The following PABPC4L variants were observed in gnomAD, a reference collection of about 807,000 sequenced individuals.
The protein encoded by PABPC4L is poly(A) binding protein cytoplasmic 4 like, also known as polyadenylate-binding protein 4-like.
For synonymous variants in PABPC4L, 169 were observed against 164.1 expected (o/e 1.03, Z -0.23); for missense variants, 452 against 451.4 (o/e 1.00, Z -0.01).
chr4:134,048,743 T>C, the PABPC4L span, among the ~76,000 whole-genome samples: 2 of 152,096 alleles, frequency 1.3e-5, no homozygotes, highest in African/African-American at 4.8e-5. Context: ...CAAAAACCAA[T>C]TTTATGTATC....
At chr4:134,028,388 T>C in the PABPC4L span, among the ~76,000 whole-genome samples, 1 of 151,980 alleles carries the variant, frequency 6.6e-6, no homozygotes, top group Non-Finnish European at 1.5e-5. Context: ...CTTCATTTTC[T>C]ATGTGCTCTG....
At chr4:134,065,079 T>G in the PABPC4L span, among the ~76,000 whole-genome samples, 2 of 152,070 alleles carry the variant, frequency 1.3e-5, no homozygotes, top group African/African-American at 4.8e-5. Context: ...GTCTTTGTGA[T>G]AGAACAATTT....
chr4:134,070,228 C>T, the PABPC4L span, among the ~76,000 whole-genome samples: 2 of 151,986 alleles, frequency 1.3e-5, no homozygotes, highest in African/African-American at 4.8e-5. Flanking sequence ...CTGACCACAG[C>T]ACTCTGATGA....
the PABPC4L span, among the ~76,000 whole-genome samples, chr4:133,951,770 G>T: frequency 1.7e-3 from 251 of 151,904 alleles, 3 homozygotes; most frequent in Non-Finnish European, 3.0e-3. Context: ...TTACTAGAAG[G>T]GTAACCCCAT....
At chr4:134,169,726 C>A in the PABPC4L span, among the ~76,000 whole-genome samples, 2 of 151,702 alleles carry the variant, frequency 1.3e-5, no homozygotes, top group African/African-American at 4.8e-5. Flanking sequence ...TATACTTGGC[C>A]AAATAAGTGA....
the PABPC4L span, among the ~76,000 whole-genome samples, chr4:133,957,160 C>A: frequency 2.0e-5 from 3 of 152,144 alleles, no homozygotes; most frequent in African/African-American, 7.2e-5. Flanking sequence ...AAGGCAAGTC[C>A]CTTCTGCCTA....
chr4:134,064,521 C>T, the PABPC4L span, among the ~76,000 whole-genome samples: 1 of 152,022 alleles, frequency 6.6e-6, no homozygotes, highest in Non-Finnish European at 1.5e-5. Flanking sequence ...TTTATAAAGT[C>T]TGCCTCTCTC....
At chr4:134,085,101 T>C in the PABPC4L span, among the ~76,000 whole-genome samples, 2 of 151,958 alleles carry the variant, frequency 1.3e-5, no homozygotes, top group African/African-American at 2.4e-5. Context: ...CAGGTGGACA[T>C]TATTCACGAA....
chr4:134,008,746 T>G, the PABPC4L span, among the ~76,000 whole-genome samples: 1 of 151,780 alleles, frequency 6.6e-6, no homozygotes, highest in Non-Finnish European at 1.5e-5. Flanking sequence ...TTTTTTTCTT[T>G]TTGAACCAGT....
the PABPC4L span, among the ~76,000 whole-genome samples, chr4:134,017,910 T>G: frequency 6.6e-6 from 1 of 151,990 alleles, no homozygotes; most frequent in Non-Finnish European, 1.5e-5. Flanking sequence ...CCCAAAATTT[T>G]CGCCGTCCCA....
the PABPC4L span, among the ~76,000 whole-genome samples, chr4:134,135,226 T>C: frequency 6.6e-6 from 1 of 152,100 alleles, no homozygotes; most frequent in Non-Finnish European, 1.5e-5. Context: ...TTTTTTCTGT[T>C]CATGATTTTA....
chr4:134,188,863 T>A, the PABPC4L span, among the ~76,000 whole-genome samples: 1 of 152,080 alleles, frequency 6.6e-6, no homozygotes, highest in Non-Finnish European at 1.5e-5. Context: ...GAAAAATTCT[T>A]GTCATTATTG....
At chr4:134,109,953 G>C in the PABPC4L span, among the ~76,000 whole-genome samples, 1 of 151,960 alleles carries the variant, frequency 6.6e-6, no homozygotes, top group Non-Finnish European at 1.5e-5. Flanking sequence ...AATATTTATA[G>C]CTACTGAACA....
At chr4:134,117,632 G>T in the PABPC4L span, among the ~76,000 whole-genome samples, 3 of 151,730 alleles carry the variant, frequency 2.0e-5, no homozygotes, top group Non-Finnish European at 4.4e-5. Context: ...AAGAAGCAGA[G>T]AAAACACTGA....
At chr4:134,012,676 C>G in the PABPC4L span, among the ~76,000 whole-genome samples, 1 of 152,172 alleles carries the variant, frequency 6.6e-6, no homozygotes, top group East Asian at 1.9e-4. Context: ...AATCCCCTGT[C>G]CTCCTGCTCT....
At chr4:134,096,648 G>A in the PABPC4L span, among the ~76,000 whole-genome samples, 1 of 151,854 alleles carries the variant, frequency 6.6e-6, no homozygotes, top group Non-Finnish European at 1.5e-5. Context: ...AAAGATATTT[G>A]CATGTTTCCC....
the PABPC4L span, among the ~76,000 whole-genome samples, chr4:134,076,085 A>G: frequency 6.6e-6 from 1 of 151,764 alleles, no homozygotes; most frequent in East Asian, 1.9e-4. Flanking sequence ...TTTTGAATGC[A>G]GTTACCTGGA....
the PABPC4L span, among the ~76,000 whole-genome samples, chr4:134,121,470 T>C: frequency 2.6e-5 from 4 of 151,680 alleles, no homozygotes; most frequent in South Asian, 2.1e-4. Context: ...ACAGATCATA[T>C]TGATCCAAAC....
rs570749712 is a variant in PABPC4L, at chr4:134,201,106, G to A, written c.-87C>T. 43 of 1,550,710 alleles carry A rather than the reference G, an allele frequency of 2.8e-5. 1 individual carries two copies. In the South Asian group the frequency reaches 4.3e-4, roughly 16 times the overall value. The stretch of plus-strand genomic sequence containing the variant: ...GATACTAGGTCACAGCTTTGGCCCG[G>A]TTCAAGTGTGGAGGCCTCGGGATCA... On this transcript the variant is annotated 5_prime_UTR_variant, in exon 2 of 2. Transcript: ENST00000421491.
Sources: gnomAD v4.1 joint callset for allele counts (sites outside exome capture counted in the v4.1 genomes callset) on GRCh38, gnomAD v4.1.1 for gene constraint, MANE v1.5 for transcripts, NCBI Gene and HGNC (gene_info 2026-07-23, HGNC 2026-07-21) for gene names.